The following SYTL5 variants were observed in gnomAD, a reference collection of about 807,000 sequenced individuals.
The protein encoded by SYTL5 is synaptotagmin like 5, also known as synaptotagmin-like protein 5.
A neutral mutation model predicts 55.9 loss-of-function variants in SYTL5; 34 were observed. The ratio of observed to expected loss-of-function variants is 0.61; its 90% CI spans 0.46 to 0.81. The LOEUF (loss-of-function observed/expected upper bound fraction) is 0.81. Ranked by LOEUF, SYTL5 falls within the 30% of genes least tolerant of loss-of-function variation. SYTL5 has a pLI of 0.00. For missense variants in SYTL5, 637 were observed against 546.7 expected (o/e 1.17, Z -1.65); for synonymous variants, 221 against 188.7 (o/e 1.17, Z -1.40).
At chrX:38,018,643 C>T (rs1040975533) in intron 1 of SYTL5, among the ~76,000 whole-genome samples, 6 of 111,288 alleles carry the variant, frequency 5.4e-5, no homozygotes, top group African/African-American at 2.0e-4. Context: ...GGCTTTACCC[C>T]CGTGTTACTG....
chrX:37,977,755 G>A, the SYTL5 span, among the ~76,000 whole-genome samples: 3,887 of 106,789 alleles, frequency 0.036, 84 homozygotes, highest in Non-Finnish European at 0.059. Context: ...CACGAAGAGG[G>A]TATGAAGATT....
the SYTL5 span, among the ~76,000 whole-genome samples, chrX:37,962,701 G>A: frequency 8.9e-6 from 1 of 112,060 alleles, no homozygotes; most frequent in East Asian, 2.8e-4. Flanking sequence ...CAGTGTCAAA[G>A]TGTTCCTATT....
At chrX:37,936,234 C>T in the SYTL5 span, among the ~76,000 whole-genome samples, 4 of 112,120 alleles carry the variant, frequency 3.6e-5, no homozygotes, top group South Asian at 1.1e-3. Flanking sequence ...CAAAAATTGA[C>T]AGAAAAACGT....
At chrX:37,970,560 A>G in the SYTL5 span, among the ~76,000 whole-genome samples, 2 of 111,439 alleles carry the variant, frequency 1.8e-5, no homozygotes, top group African/African-American at 6.5e-5. Context: ...ATACTAATTA[A>G]TAACCTTAGA....
chrX:37,958,566 T>C, the SYTL5 span, among the ~76,000 whole-genome samples: 2 of 111,816 alleles, frequency 1.8e-5, no homozygotes, highest in African/African-American at 6.5e-5. Context: ...ACCATAGCAT[T>C]CTGCCCCTGG....
At chrX:38,043,675 A>G (rs868340625) in intron 2 of SYTL5, among the ~76,000 whole-genome samples, 48 of 71,443 alleles carry the variant, frequency 6.7e-4, no homozygotes, top group South Asian at 2.2e-3. Context: ...ATATATATAT[A>G]TATATATATA....
At chrX:38,089,726 C>A in intron 7 of SYTL5, 139 bp downstream of exon 7, 1 of 670,634 alleles carries the variant, frequency 1.5e-6, no homozygotes, top group Non-Finnish European at 2.2e-6. Context: ...CCTCAGGAAA[C>A]TTACAATCAT....
At chrX:38,084,978 G>A (rs1936633448) in intron 6 of SYTL5, among the ~76,000 whole-genome samples, 1 of 110,925 alleles carries the variant, frequency 9.0e-6, no homozygotes. Context: ...TAAGCACACG[G>A]GTATATAGAA....
intron 6 of SYTL5, among the ~76,000 whole-genome samples, chrX:38,081,436 T>G (rs1464683151): frequency 8.9e-6 from 1 of 111,850 alleles, no homozygotes; most frequent in African/African-American, 3.3e-5. Context: ...AAAAAGAACT[T>G]TAGCTAGAAA....
the SYTL5 span, among the ~76,000 whole-genome samples, chrX:37,902,807 T>C: frequency 5.8e-4 from 65 of 111,809 alleles, no homozygotes; most frequent in African/African-American, 2.1e-3. Context: ...GAACCAAGAA[T>C]TGTCCCTGGA....
At chrX:37,999,701 G>T in the SYTL5 span, among the ~76,000 whole-genome samples, 1 of 111,886 alleles carries the variant, frequency 8.9e-6, no homozygotes, top group Non-Finnish European at 1.9e-5. Flanking sequence ...TTATTTCAAA[G>T]GTCTTCTTGA....
the SYTL5 span, among the ~76,000 whole-genome samples, chrX:37,959,725 C>G: frequency 8.9e-6 from 1 of 111,860 alleles, no homozygotes; most frequent in African/African-American, 3.3e-5. Context: ...TTCCCTATAA[C>G]TTTCCCTAAT....
At chrX:37,998,085 A>G in the SYTL5 span, among the ~76,000 whole-genome samples, 1 of 111,997 alleles carries the variant, frequency 8.9e-6, no homozygotes, top group Non-Finnish European at 1.9e-5. Flanking sequence ...ACTCATCAGG[A>G]CACCCTTGCT....
intron 10 of SYTL5, 126 bp from the exon 11 acceptor site, chrX:38,106,467 T>C (rs1569188432): frequency 3.4e-6 from 2 of 594,136 alleles, no homozygotes; most frequent in Admixed American, 4.3e-5. Context: ...TCTTGTTTTC[T>C]TTCCTCACCC....
intron 6 of SYTL5, 87 bp downstream of exon 6, chrX:38,076,788 A>T (rs1936400814): frequency 1.0e-6 from 1 of 967,828 alleles, no homozygotes; most frequent in African/African-American, 2.0e-5. Flanking sequence ...GGTATCTGTG[A>T]AATATTACCA....
At chrX:38,104,974 TG>T (rs1206190227) in intron 10 of SYTL5, among the ~76,000 whole-genome samples, 1 of 112,589 alleles carries the variant, frequency 8.9e-6, no homozygotes, top group Non-Finnish European at 1.9e-5. Context: ...AAAGCACTTT[TG>T]GCTTCTCTTT....
At chrX:37,956,592 T>A in the SYTL5 span, among the ~76,000 whole-genome samples, 1 of 112,453 alleles carries the variant, frequency 8.9e-6, no homozygotes. Flanking sequence ...TCCACAAAGT[T>A]CATCTATGTT....
chrX:37,908,131 A>C, the SYTL5 span, among the ~76,000 whole-genome samples: 1 of 109,015 alleles, frequency 9.2e-6, no homozygotes, highest in Non-Finnish European at 1.9e-5. Context: ...GAAAAAAAAA[A>C]AAAACAAAGA....
At chrX:38,032,109 C>T (rs142677912) in intron 1 of SYTL5, among the ~76,000 whole-genome samples, 1,183 of 112,087 alleles carry the variant, frequency 0.011, 5 homozygotes, top group Non-Finnish European at 0.016. Context: ...GTCAGCCTGA[C>T]CTCATGGTTA....
Sources: gnomAD v4.1 joint callset for allele counts (sites outside exome capture counted in the v4.1 genomes callset) on GRCh38, gnomAD v4.1.1 for gene constraint, MANE v1.5 for transcripts, NCBI Gene and HGNC (gene_info 2026-07-23, HGNC 2026-07-21) for gene names.